The following TSHZ2 variants were observed in gnomAD, a reference collection of about 807,000 sequenced individuals.
TSHZ2 encodes teashirt homolog 2.
In TSHZ2, 21 loss-of-function variants were observed where a neutral mutation model predicts 74.4. That is an observed-to-expected ratio of 0.28 (90% CI 0.20 to 0.41). The LOEUF (loss-of-function observed/expected upper bound fraction) is 0.41. TSHZ2 is among the 10% of genes least tolerant of loss of function. The pLI is 1.00. For synonymous variants in TSHZ2, 540 were observed against 515.3 expected (o/e 1.05, Z -0.65); for missense variants, 1,244 against 1,293.5 (o/e 0.96, Z 0.59).
chr20:53,148,695 T>C (rs536938816), intron 1 of TSHZ2, among the ~76,000 whole-genome samples: 1 of 152,210 alleles, frequency 6.6e-6, no homozygotes, highest in South Asian at 2.1e-4. Context: ...ATAAAGAAAA[T>C]GAAGACATCT....
chr20:53,463,435 G>GAAGGAAGGAGGGAAGGAAGA (rs11283137), intron 2 of TSHZ2, among the ~76,000 whole-genome samples: 1 of 114,254 alleles, frequency 8.8e-6, no homozygotes, highest in South Asian at 3.4e-4. Flanking sequence ...AGGAAGGAAG[G>GAAGGAAGGAGGGAAGGAAGA]AGGGAGGGAG....
At chr20:53,284,744 TAAGAGAGAGA>T (rs1452788510) in intron 2 of TSHZ2, among the ~76,000 whole-genome samples, 3 of 112,264 alleles carry the variant, frequency 2.7e-5, no homozygotes, top group Non-Finnish European at 5.1e-5. Flanking sequence ...GTGATGGCAA[TAAGAGAGAGA>T]AAGAGAGAGG....
At chr20:53,440,698 T>G (rs975111464) in intron 2 of TSHZ2, among the ~76,000 whole-genome samples, 1 of 152,140 alleles carries the variant, frequency 6.6e-6, no homozygotes, top group East Asian at 1.9e-4. Flanking sequence ...AAAATACATG[T>G]GTATCAATGC....
chr20:53,254,356 T>G lies in TSHZ2; in HGVS notation c.898T>G (p.Tyr300Asp). 2.5e-6 allele frequency: 4 copies of G among 1,614,134 alleles called. No individual in the cohort carries two copies. The highest frequency in any genetic ancestry group is 3.4e-6 in the Non-Finnish European group (4 of 1,180,006). ...CGTCCACATGATTAAAACAAAACAT[T>G]ACCAAAAAGTGCCTTTGAAGGAGCC... ...LSVHMIKTKH[Y>D]QKVPLKEPVP... The change falls in exon 2 of 3, where the codon TAC becomes GAC. Residue 300 changes from tyrosine to aspartate, a missense_variant. By Grantham distance (160) the Tyr-to-Asp change is radical. Coordinates refer to ENST00000371497, the MANE Select transcript of TSHZ2 (RefSeq NM_173485.6).
At chr20:53,334,493 A>T (rs943099231) in intron 2 of TSHZ2, among the ~76,000 whole-genome samples, 1 of 151,964 alleles carries the variant, frequency 6.6e-6, no homozygotes, top group Non-Finnish European at 1.5e-5. Flanking sequence ...CTGAAGCAGG[A>T]TGGGGGAGGC....
intron 1 of TSHZ2, among the ~76,000 whole-genome samples, chr20:53,130,458 C>G (rs946777560): frequency 2.0e-5 from 3 of 152,068 alleles, no homozygotes; most frequent in African/African-American, 7.2e-5. Context: ...AACCCCATCT[C>G]TACTAAAAAT....
chr20:53,092,243 G>A (rs565529712), intron 1 of TSHZ2, among the ~76,000 whole-genome samples: 3 of 151,986 alleles, frequency 2.0e-5, no homozygotes, highest in Non-Finnish European at 4.4e-5. Context: ...AGTAGAATTG[G>A]AAACCAACCT....
At chr20:53,330,549 C>G (rs937284235) in intron 2 of TSHZ2, among the ~76,000 whole-genome samples, 1 of 152,200 alleles carries the variant, frequency 6.6e-6, no homozygotes, top group African/African-American at 2.4e-5. Context: ...AGAACTATTT[C>G]CTCTGTACCA....
chr20:53,070,948 A>G (rs1473061431), intron 1 of TSHZ2, among the ~76,000 whole-genome samples: 5 of 152,204 alleles, frequency 3.3e-5, no homozygotes, highest in Non-Finnish European at 7.4e-5. Flanking sequence ...TTGAACAATT[A>G]CTAGACACTG....
chr20:53,131,117 GTTGT>G (rs1987090674), intron 1 of TSHZ2, among the ~76,000 whole-genome samples: 1 of 152,110 alleles, frequency 6.6e-6, no homozygotes, highest in African/African-American at 2.4e-5. Context: ...ACCAGATTAG[GTTGT>G]TTATGATTTC....
chr20:53,011,358 AATT>A (rs1175821772), intron 1 of TSHZ2, among the ~76,000 whole-genome samples: 1 of 152,216 alleles, frequency 6.6e-6, no homozygotes, highest in Non-Finnish European at 1.5e-5. Flanking sequence ...GCCCATAACA[AATT>A]ATTAATACCT....
chr20:53,183,284 C>A (rs1988524893), intron 1 of TSHZ2, among the ~76,000 whole-genome samples: 1 of 152,086 alleles, frequency 6.6e-6, no homozygotes, highest in Non-Finnish European at 1.5e-5. Context: ...TGTAAGGGCC[C>A]CTTTGAAGTC....
intron 1 of TSHZ2, among the ~76,000 whole-genome samples, 199 bp from the exon 2 acceptor site, chr20:53,253,300 T>TAAA (rs1990368516): frequency 1.0e-5 from 1 of 97,322 alleles, no homozygotes; most frequent in African/African-American, 4.6e-5. Flanking sequence ...TCCTGCCAAT[T>TAAA]GAAAAAAAAA....
intron 1 of TSHZ2, among the ~76,000 whole-genome samples, chr20:53,048,668 A>G (rs1405241510): frequency 6.6e-6 from 1 of 152,212 alleles, no homozygotes; most frequent in African/African-American, 2.4e-5. Context: ...GCTCATCACC[A>G]TCAGTCTGCA....
chr20:53,148,626 G>A (rs565554593), intron 1 of TSHZ2, among the ~76,000 whole-genome samples: 1 of 152,174 alleles, frequency 6.6e-6, no homozygotes, highest in Admixed American at 6.5e-5. Context: ...AAAAGTTTTT[G>A]CATTCAATAT....
At chr20:53,396,912 CA>C (rs978436580) in intron 2 of TSHZ2, among the ~76,000 whole-genome samples, 12 of 150,170 alleles carry the variant, frequency 8.0e-5, no homozygotes, top group African/African-American at 2.9e-4. Flanking sequence ...TAAAAATTAC[CA>C]AGGCAAACAT....
intron 2 of TSHZ2, among the ~76,000 whole-genome samples, chr20:53,419,066 A>T (rs1195704032): frequency 2.0e-5 from 3 of 152,228 alleles, no homozygotes; most frequent in African/African-American, 7.2e-5. Flanking sequence ...CATGAGGAAA[A>T]GCTAGATCCA....
intron 2 of TSHZ2, among the ~76,000 whole-genome samples, chr20:53,257,136 C>T (rs1293340789): frequency 6.6e-6 from 1 of 152,204 alleles, no homozygotes; most frequent in Admixed American, 6.5e-5. Flanking sequence ...TAATTGCCAC[C>T]TTCCACCTCT....
At chr20:53,019,288 T>A (rs1412183535) in intron 1 of TSHZ2, among the ~76,000 whole-genome samples, 1 of 152,050 alleles carries the variant, frequency 6.6e-6, no homozygotes, top group African/African-American at 2.4e-5. Flanking sequence ...CATTTAAATT[T>A]CAGGGTATTT....
Sources: gnomAD v4.1 joint callset for allele counts (sites outside exome capture counted in the v4.1 genomes callset) on GRCh38, gnomAD v4.1.1 for gene constraint, MANE v1.5 for transcripts, NCBI Gene and HGNC (gene_info 2026-07-23, HGNC 2026-07-21) for gene names.